The following LIMS1 variants were observed in gnomAD, a reference collection of about 807,000 sequenced individuals.
The protein encoded by LIMS1 is LIM zinc finger domain containing 1.
In LIMS1, 18 loss-of-function variants were observed where a neutral mutation model predicts 44.1. The ratio of observed to expected loss-of-function variants is 0.41; its 90% CI spans 0.28 to 0.61. LIMS1 has a LOEUF of 0.61. Among genes scored for constraint, LIMS1 ranks in the 20% least tolerant of loss-of-function variants. The pLI is 0.32. For missense variants in LIMS1, 201 were observed against 422.0 expected, an observed-to-expected ratio of 0.48 and a Z score of 4.59; for synonymous variants, 93 against 149.1, an observed-to-expected ratio of 0.62 and a Z score of 2.74.
intron 1 of LIMS1, among the ~76,000 whole-genome samples, chr2:108,575,032 A>G (rs1215633034): frequency 6.6e-6 from 1 of 152,128 alleles, no homozygotes; most frequent in Non-Finnish European, 1.5e-5. Context: ...AATTCATATA[A>G]GTGTCCTTTG....
intron 1 of LIMS1, among the ~76,000 whole-genome samples, chr2:108,555,438 A>G (rs1048053846): frequency 2.0e-5 from 3 of 152,074 alleles, no homozygotes; most frequent in Admixed American, 1.3e-4. Context: ...TCTGCCTCTC[A>G]TCTCATAGTT....
At chr2:108,536,631 A>C (rs779187997) in intron 1 of LIMS1, among the ~76,000 whole-genome samples, 14 of 152,162 alleles carry the variant, frequency 9.2e-5, no homozygotes, top group Non-Finnish European at 5.9e-5. Flanking sequence ...ACTGGAGTGG[A>C]ATGCAGTAGC....
chr2:108,569,440 T>A (rs892585391), intron 1 of LIMS1, among the ~76,000 whole-genome samples: 4 of 152,198 alleles, frequency 2.6e-5, no homozygotes, highest in African/African-American at 9.7e-5. Flanking sequence ...CTCCTTGTAT[T>A]TTCTTCTAGG....
chr2:108,552,268 A>G lies in LIMS1; in HGVS notation c.32+17674A>G, dbSNP rs187030230. On this transcript the variant is annotated intron_variant, in intron 1 of 9. Coordinates refer to ENST00000544547, the Ensembl canonical transcript of LIMS1. ...TATATACTATATATACTACACGTAT[A>G]GTATATATATGAAACTATATATATA... Among the ~76,000 whole-genome samples, 715 of 135,514 alleles carry G rather than the reference A, an allele frequency of 5.3e-3. 11 individuals are homozygous for G. The highest frequency in any genetic ancestry group is 0.018 in the African/African-American group (682 of 38,268). 88.9% of individuals were successfully genotyped at this position (135,514 alleles called of 152,430 possible). A position where few individuals can be genotyped will look rare whatever the true frequency, so the allele number is the denominator to read the frequency against.
At position 108,551,959 on chromosome 2, in the gene LIMS1, A is replaced by G. The variant is rs887434232; in HGVS notation, c.32+17365A>G. Among the ~76,000 whole-genome samples, 33 of 142,424 alleles carry G rather than the reference A, an allele frequency of 2.3e-4. 1 individual carries two copies. The highest frequency in any genetic ancestry group is 1.0e-3 in the East Asian group (5 of 4,916). 93.4% of individuals were successfully genotyped at this position (142,424 alleles called of 152,430 possible). A position where few individuals can be genotyped will look rare whatever the true frequency, so the allele number is the denominator to read the frequency against. On this transcript the variant is annotated intron_variant, in intron 1 of 9. Coordinates refer to ENST00000544547, the Ensembl canonical transcript of LIMS1. ...TGTGTGTGTGTGTGTGTGTGTATAT[A>G]TATATATATATATGTATATATATGG...
At chr2:108,644,242 T>C (rs1400430305) in intron 1 of LIMS1, among the ~76,000 whole-genome samples, 1 of 152,124 alleles carries the variant, frequency 6.6e-6, no homozygotes, top group Non-Finnish European at 1.5e-5. Context: ...GGCCAACAGA[T>C]ACCTCATACA....
chr2:108,622,074 G>A lies in LIMS1; in HGVS notation c.33-37531G>A, dbSNP rs1688282262. Among the ~76,000 whole-genome samples, 7 of 152,256 alleles carry A rather than the reference G, an allele frequency of 4.6e-5. 1 individual carries two copies. The South Asian group carries it at 1.0e-3, about 23-fold the overall frequency. On this transcript the variant is annotated intron_variant, in intron 1 of 9. Transcript: ENST00000544547. ...CTACTGAAAATTTCTTAGATTTGAGGTTCTGAAAGCCTCTACAACATTAAG... is the reference window on the plus strand; with the variant it reads ...CTACTGAAAATTTCTTAGATTTGAGATTCTGAAAGCCTCTACAACATTAAG...
chr2:108,565,484 A>C (rs2104619901), intron 1 of LIMS1, among the ~76,000 whole-genome samples: 1 of 152,352 alleles, frequency 6.6e-6, no homozygotes, highest in South Asian at 2.1e-4. Flanking sequence ...ACTGAATATT[A>C]AAGTGAATGC....
intron 1 of LIMS1, among the ~76,000 whole-genome samples, chr2:108,556,730 A>G (rs778429020): frequency 2.6e-5 from 4 of 152,212 alleles, no homozygotes; most frequent in African/African-American, 4.8e-5. Context: ...TGAATGCAGA[A>G]TGTTAGCAAG....
chr2:108,569,112 C>T (rs145485100), intron 1 of LIMS1, among the ~76,000 whole-genome samples: 2,738 of 152,168 alleles, frequency 0.018, 46 homozygotes, highest in African/African-American at 0.039. Context: ...AGGCTGGTCT[C>T]GAACTCTTGA....
At chr2:108,683,376 C>CA (rs1225387661) in intron 9 of LIMS1, among the ~76,000 whole-genome samples, 3 of 150,940 alleles carry the variant, frequency 2.0e-5, no homozygotes, top group Non-Finnish European at 3.0e-5. Flanking sequence ...CCTGTCTCTA[C>CA]AAAAAAAAAT....
chr2:108,642,193 C>A (rs374412535), intron 1 of LIMS1, among the ~76,000 whole-genome samples: 5 of 152,036 alleles, frequency 3.3e-5, no homozygotes, highest in African/African-American at 1.2e-4. Flanking sequence ...CTAAGCACTC[C>A]GCTTTTTCTA....
At chr2:108,643,478 G>A (rs535396802) in intron 1 of LIMS1, among the ~76,000 whole-genome samples, 28 of 152,140 alleles carry the variant, frequency 1.8e-4, no homozygotes, top group Non-Finnish European at 3.5e-4. Flanking sequence ...CTTTTCCCAC[G>A]GTCTTCGCAA....
At chr2:108,675,692 G>A (rs923916615) in intron 5 of LIMS1, among the ~76,000 whole-genome samples, 186 bp from the exon 6 acceptor site, 9 of 152,166 alleles carry the variant, frequency 5.9e-5, no homozygotes, top group African/African-American at 1.9e-4. Flanking sequence ...AGATGTTTTG[G>A]TAGGAGTCTG....
At chr2:108,593,205 T>C (rs1346325453) in intron 1 of LIMS1, among the ~76,000 whole-genome samples, 1 of 152,164 alleles carries the variant, frequency 6.6e-6, no homozygotes, top group African/African-American at 2.4e-5. Context: ...AGCAACTAAA[T>C]TCACTTTAGT....
chr2:108,663,375 A>C lies in LIMS1; in HGVS notation c.192+3611A>C, dbSNP rs2438230. ...GAGCTCAAGTGATTAGATGCCATTTACCCAGGGAAATACCCTTTCAACCCA... is the reference window on the plus strand; with the variant it reads ...GAGCTCAAGTGATTAGATGCCATTTCCCCAGGGAAATACCCTTTCAACCCA... On this transcript the variant is annotated intron_variant, in intron 2 of 9. Coordinates refer to ENST00000544547, the Ensembl canonical transcript of LIMS1. Among the ~76,000 whole-genome samples, 784 of 151,880 alleles carry C rather than the reference A, an allele frequency of 5.2e-3. 5 individuals are homozygous for C. Among genetic ancestry groups the C allele is most frequent in the South Asian group, 0.018 (89 of 4,814 alleles).
At chr2:108,662,671 A>C (rs991762739) in intron 2 of LIMS1, 3 of 944,026 alleles carry the variant, frequency 3.2e-6, no homozygotes, top group Non-Finnish European at 3.9e-6. Context: ...AATAATCTTC[A>C]CTTTCAGTTA....
At chr2:108,677,180 G>C (rs761346745) in intron 7 of LIMS1, 5 of 153,608 alleles carry the variant, frequency 3.3e-5, no homozygotes, top group Non-Finnish European at 7.2e-5. Context: ...GCCTCTGGCT[G>C]TGATGTTTCT....
intron 1 of LIMS1, among the ~76,000 whole-genome samples, chr2:108,609,423 C>G (rs1300426580): frequency 2.0e-5 from 3 of 152,174 alleles, no homozygotes; most frequent in African/African-American, 7.2e-5. Flanking sequence ...ACCCATCAGC[C>G]TGGCTCTCAC....
Sources: allele counts gnomAD v4.1 joint callset (sites outside exome capture counted in the v4.1 genomes callset), GRCh38; gene constraint gnomAD v4.1.1; transcripts MANE v1.5; gene names NCBI Gene and HGNC (gene_info 2026-07-23, HGNC 2026-07-21).